TMEM156: variants seen among roughly 807,000 people sequenced by gnomAD.
TMEM156 encodes transmembrane protein 156.
A neutral mutation model predicts 30.5 loss-of-function variants in TMEM156; 28 were observed. That is an observed-to-expected ratio of 0.92 (90% CI 0.68 to 1.26). TMEM156 has a LOEUF of 1.26. TMEM156 is among the 50% of genes most tolerant of loss of function. TMEM156 has a pLI of 0.00. For synonymous variants in TMEM156, 137 were observed against 119.9 expected (o/e 1.14, Z -0.93); for missense variants, 351 against 340.6 (o/e 1.03, Z -0.24).
chr4:38,988,787 A>T, intron 4 of TMEM156, 64 bp downstream of exon 4: 1 of 1,597,428 alleles, frequency 6.3e-7, no homozygotes, highest in East Asian at 2.2e-5. Flanking sequence ...AAATTGTACT[A>T]AAAAGGAAAT....
At chr4:38,981,706 T>A (rs2109895468) in intron 5 of TMEM156, among the ~76,000 whole-genome samples, 1 of 152,094 alleles carries the variant, frequency 6.6e-6, no homozygotes, top group Non-Finnish European at 1.5e-5. Flanking sequence ...AAAAACGGAG[T>A]TTTGAAATCA....
intron 5 of TMEM156, among the ~76,000 whole-genome samples, chr4:38,981,205 T>G (rs1470316845): frequency 2.0e-5 from 3 of 152,378 alleles, no homozygotes; most frequent in African/African-American, 7.2e-5. Flanking sequence ...AGTTGAAACC[T>G]GCTTAGTATT....
intron 5 of TMEM156, among the ~76,000 whole-genome samples, chr4:38,986,020 A>T (rs543517788): frequency 6.6e-6 from 1 of 152,352 alleles, no homozygotes; most frequent in East Asian, 1.9e-4. Flanking sequence ...AATTCTGGGG[A>T]ATAATGGTAT....
rs1409937305 is a variant in TMEM156, at chr4:38,971,032, C to A, written c.*38G>T. 1 of 1,564,482 alleles carries A rather than the reference C, an allele frequency of 6.4e-7. No homozygotes were observed. The highest frequency in any genetic ancestry group is 1.1e-5 in the South Asian group (1 of 89,562). On this transcript the variant is annotated splice_region_variant and 3_prime_UTR_variant, in exon 6 of 7. Transcript: ENST00000381938. ...TCGATAAAGCCGAATCATCACTCAC[C>A]GTGTATATTGATCTCACTGATGCAC...
At chr4:39,001,012 T>C (rs1713304298) in intron 1 of TMEM156, among the ~76,000 whole-genome samples, 1 of 151,958 alleles carries the variant, frequency 6.6e-6, no homozygotes, top group Admixed American at 6.6e-5. Context: ...GCTTACTGTG[T>C]AAAAATTGGG....
chr4:39,016,785 T>C (rs1714513178), intron 1 of TMEM156, among the ~76,000 whole-genome samples: 1 of 152,146 alleles, frequency 6.6e-6, no homozygotes, highest in South Asian at 2.1e-4. Flanking sequence ...TTGAGGCTTG[T>C]TTTTATAGTC....
At chr4:38,996,592 A>G (rs552520708) in intron 2 of TMEM156, among the ~76,000 whole-genome samples, 1 of 152,098 alleles carries the variant, frequency 6.6e-6, no homozygotes, top group Non-Finnish European at 1.5e-5. Context: ...GAAAAGAAAA[A>G]AAAACATAAG....
intron 3 of TMEM156, among the ~76,000 whole-genome samples, chr4:38,992,700 AATAT>A (rs527502000): frequency 2.3e-5 from 1 of 44,200 alleles, no homozygotes; most frequent in Non-Finnish European, 5.0e-5. Context: ...TATATTATAT[AATAT>A]ATATATATTA....
intron 5 of TMEM156, among the ~76,000 whole-genome samples, chr4:38,983,214 T>C (rs1278928055): frequency 6.6e-6 from 1 of 152,172 alleles, no homozygotes; most frequent in African/African-American, 2.4e-5. Flanking sequence ...TTAGTTTCCC[T>C]AGCCTCCTGT....
chr4:38,990,902 C>T (rs28512202), intron 3 of TMEM156, among the ~76,000 whole-genome samples: 71,897 of 135,764 alleles, frequency 0.53, 18,974 homozygotes, highest in East Asian at 0.71. Flanking sequence ...GGTGCGATCT[C>T]GGCTCACTGC....
At chr4:38,973,678 G>A (rs147444477) in intron 5 of TMEM156, among the ~76,000 whole-genome samples, 24 of 152,072 alleles carry the variant, frequency 1.6e-4, no homozygotes, top group Non-Finnish European at 4.4e-5. Context: ...TTGAAACTTC[G>A]TATTTCTGAT....
rs1402776427 is a variant in TMEM156, at chr4:38,988,521, C to G, written c.739+330G>C. Among the ~76,000 whole-genome samples, 4 of 152,266 alleles carry G rather than the reference C, an allele frequency of 2.6e-5. No homozygotes were observed. In the East Asian group the frequency reaches 7.7e-4, roughly 29 times the overall value. ...TGCTGGGATTACAGGCATGAGTCAC[C>G]GCGCTCGGCCTGAAATTCTTTATCC... On this transcript the variant is annotated intron_variant, in intron 4 of 6. Transcript: ENST00000381938.
chr4:39,018,340 T>C lies in TMEM156; in HGVS notation c.88+13886A>G, dbSNP rs28647901. ...GTTCTATCTTGTTTTTTCACTGACA[T>C]ACAAATTAGTTGAGTTTTTAAATTT... On this transcript the variant is annotated intron_variant, in intron 1 of 6. Transcript: ENST00000381938. 7.7e-3 allele frequency among the ~76,000 whole-genome samples: 1,170 copies of C among 152,334 alleles called. 26 individuals carry two copies. Among genetic ancestry groups the C allele is most frequent in the African/African-American group, 0.026 (1,093 of 41,568 alleles).
At chr4:38,985,860 A>G (rs189563812) in intron 5 of TMEM156, among the ~76,000 whole-genome samples, 1 of 152,328 alleles carries the variant, frequency 6.6e-6, no homozygotes, top group Admixed American at 6.5e-5. Context: ...TCACTGCTCT[A>G]ATTAGAATTC....
chr4:38,986,350 A>T lies in TMEM156; in HGVS notation c.809T>A (p.Val270Glu), dbSNP rs1160937165. The change falls in exon 5 of 7, where the codon GTG (valine) becomes GAG (glutamate). Residue 270 changes from valine (V) to glutamate (E), a missense_variant. Physicochemically the swap from Val to Glu is moderately radical, Grantham distance 121. Coordinates refer to ENST00000381938, the MANE Select transcript of TMEM156 (RefSeq NM_024943.3). ...ACAGAACTTACCTGAAAGAACCTGCACATTCAATGCTCTCAGTTTCTCCGA... is the reference window on the plus strand; with the variant it reads ...ACAGAACTTACCTGAAAGAACCTGCTCATTCAATGCTCTCAGTTTCTCCGA... ...SDSEKLRALN[V>E]QVLSAETTQR... 25 of 1,613,650 alleles carry T rather than the reference A, an allele frequency of 1.5e-5. No individual in the cohort carries two copies. Among genetic ancestry groups the T allele is most frequent in the Non-Finnish European group, 2.1e-5 (25 of 1,179,678 alleles).
At chr4:39,010,217 A>G (rs1577566640) in intron 1 of TMEM156, among the ~76,000 whole-genome samples, 1 of 152,340 alleles carries the variant, frequency 6.6e-6, no homozygotes, top group East Asian at 1.9e-4. Context: ...TGCAAGGAGA[A>G]CTACAAAACA....
At chr4:38,980,821 T>C (rs543766824) in intron 5 of TMEM156, 1 of 609,260 alleles carries the variant, frequency 1.6e-6, no homozygotes, top group African/African-American at 2.0e-5. Flanking sequence ...AGAGGCGGGA[T>C]GGTTCAGGCA....
chr4:39,002,733 A>G (rs888101737), intron 1 of TMEM156, among the ~76,000 whole-genome samples: 1 of 150,038 alleles, frequency 6.7e-6, no homozygotes, highest in African/African-American at 2.4e-5. Context: ...TGTCTTTTGT[A>G]GGGACATGGA....
At chr4:38,997,323 A>G (rs1282707418) in intron 2 of TMEM156, among the ~76,000 whole-genome samples, 1 of 152,192 alleles carries the variant, frequency 6.6e-6, no homozygotes, top group Non-Finnish European at 1.5e-5. Flanking sequence ...TACTGGGTAC[A>G]ATGTTCACTA....
Sources: allele counts gnomAD v4.1 joint callset (sites outside exome capture counted in the v4.1 genomes callset), GRCh38; gene constraint gnomAD v4.1.1; transcripts MANE v1.5; gene names NCBI Gene and HGNC (gene_info 2026-07-23, HGNC 2026-07-21).